Variants in DOCK9 observed in about 807,000 individuals in gnomAD.
DOCK9 encodes dedicator of cytokinesis 9.
A neutral mutation model predicts 263.3 loss-of-function variants in DOCK9; 89 were observed. The ratio of observed to expected loss-of-function variants is 0.34; its 90% CI spans 0.28 to 0.40. The LOEUF (loss-of-function observed/expected upper bound fraction) is 0.40, where lower values mean the gene tolerates loss of function less well. DOCK9 is among the 10% of genes least tolerant of loss of function. The probability of loss-of-function intolerance (pLI) is 1.00; values close to 1 mark genes in which losing one functional copy is unlikely to be tolerated. For missense variants in DOCK9, 2,140 were observed against 2,603.4 expected, an observed-to-expected ratio of 0.82 and a Z score of 3.87; for synonymous variants, 976 against 973.1, an observed-to-expected ratio of 1.00 and a Z score of -0.06.
intron 21 of DOCK9, 80 bp from the exon 22 acceptor site, chr13:98,883,979 T>C: frequency 1.0e-6 from 1 of 977,218 alleles, no homozygotes; most frequent in Middle Eastern, 2.3e-4. Context: ...AGGGTAATGA[T>C]GAGGGACTGA....
intron 38 of DOCK9, 22 bp downstream of exon 38, chr13:98,845,902 G>C (rs1402783625): frequency 6.2e-7 from 1 of 1,611,734 alleles, no homozygotes; most frequent in South Asian, 1.1e-5. Flanking sequence ...TGGCTGTTAC[G>C]ATGGCATGTC....
chr13:98,809,301 G>GTTTTT (rs113421628), intron 47 of DOCK9, 51 bp downstream of exon 47: 2 of 1,370,702 alleles, frequency 1.5e-6, no homozygotes, highest in African/African-American at 3.0e-5. Flanking sequence ...TTTTGTTTTT[G>GTTTTT]TTTTTTTTTA....
chr13:98,928,015 A>C lies in DOCK9; in HGVS notation c.334-2096T>G, dbSNP rs796075909. 4.2e-4 allele frequency among the ~76,000 whole-genome samples: 43 copies of C among 102,740 alleles called. 1 individual carries two copies. The South Asian group carries it at 0.012, about 28-fold the overall frequency. The allele number at this position is 102,740 out of a possible 152,430, so 67.4% of individuals were successfully genotyped here. A position where few individuals can be genotyped will look rare whatever the true frequency, so the allele number is the denominator to read the frequency against. On this transcript the variant is annotated intron_variant, in intron 3 of 52. Transcript: ENST00000682017. ...AGGAATCGCACATACAAAAAAAAAA[A>C]AAAACAAAAAAAAACTCCACAGTGA...
rs9513544 is a variant in DOCK9 at position 99,064,002 on chromosome 13, C to G, written c.129+22221G>C. Among the ~76,000 whole-genome samples, 644 of 152,160 alleles carry G rather than the reference C, an allele frequency of 4.2e-3. 3 individuals carry two copies. The highest frequency in any genetic ancestry group is 0.015 in the African/African-American group (603 of 41,534). ...CCTACTATGCTTCTCTATTCTGAAG[C>G]CTTCTACTAAGACCTGTAGATCTTC... On this transcript the variant is annotated intron_variant, in intron 1 of 32. Transcript: ENST00000427887.
intron 15 of DOCK9, among the ~76,000 whole-genome samples, chr13:98,896,903 G>T (rs2047524172): frequency 1.3e-5 from 2 of 152,196 alleles, no homozygotes; most frequent in South Asian, 4.1e-4. Flanking sequence ...AATCAGTTAA[G>T]ATGAGGTCAC....
chr13:98,876,154 G>A (rs751692801), intron 27 of DOCK9, among the ~76,000 whole-genome samples: 2 of 152,174 alleles, frequency 1.3e-5, no homozygotes, highest in Admixed American at 1.3e-4. Flanking sequence ...CAGGGCCCAG[G>A]TGCTCCTACA....
intron 27 of DOCK9, among the ~76,000 whole-genome samples, chr13:98,876,085 C>T (rs2043798316): frequency 6.6e-6 from 1 of 152,116 alleles, no homozygotes; most frequent in South Asian, 2.1e-4. Context: ...GCATGTGTAG[C>T]TATCCTTGAG....
rs375392160 is a variant in DOCK9 at position 98,800,457 on chromosome 13, A to G, written c.5747T>C (p.Val1916Ala). The G allele has an allele frequency of 1.2e-6, 2 of 1,613,876 alleles. No individual in the cohort carries two copies. The highest frequency in any genetic ancestry group is 1.7e-6 in the Non-Finnish European group (2 of 1,179,866). ...GTACATGACAGGGATGCGCTTCTTC[A>G]CATAAGGGAAGCAGTGTATGGCTGC... ...ILTAIHCFPY[V>A]KKRIPVMYQH... Residue 1916 changes from valine to alanine, a missense_variant, in exon 50 of 53, where the codon GTG becomes GCG. Val to Ala is a moderately conservative substitution (Grantham distance 64, BLOSUM62 0). This residue lies in a region of DOCK9 where 619 missense variants were observed against 861.8 expected (regional missense o/e 0.72). Coordinates refer to ENST00000682017, the MANE Select transcript of DOCK9 (RefSeq NM_001366683.2).
At chr13:98,942,530 G>A (rs763810225) in intron 2 of DOCK9, among the ~76,000 whole-genome samples, 6 of 152,116 alleles carry the variant, frequency 3.9e-5, no homozygotes, top group African/African-American at 7.2e-5. Flanking sequence ...GAGCCACCGC[G>A]CCCAGCTGGT....
intron 44 of DOCK9, among the ~76,000 whole-genome samples, chr13:98,826,375 CT>C (rs2092538531): frequency 6.6e-6 from 1 of 152,210 alleles, no homozygotes; most frequent in Non-Finnish European, 1.5e-5. Flanking sequence ...TCCTCGCCCC[CT>C]CTCCTTCCTC....
intron 1 of DOCK9, among the ~76,000 whole-genome samples, chr13:98,987,272 C>T (rs1242010645): frequency 6.6e-6 from 1 of 152,114 alleles, no homozygotes; most frequent in Non-Finnish European, 1.5e-5. Context: ...TAAATATATA[C>T]AATTATTTGT....
chr13:98,949,812 GCCA>G, intron 2 of DOCK9: 1 of 468,388 alleles, frequency 2.1e-6, no homozygotes, highest in Non-Finnish European at 4.2e-6. Flanking sequence ...AGCATGATGG[GCCA>G]CCGAGAGGTG....
At chr13:98,856,159 G>A in intron 33 of DOCK9, 128 bp from the exon 34 acceptor site, 1 of 915,952 alleles carries the variant, frequency 1.1e-6, no homozygotes. Flanking sequence ...CTCAAGAGTT[G>A]CATTCCATTA....
At chr13:98,849,891 AAT>A (rs1394410145) in intron 36 of DOCK9, among the ~76,000 whole-genome samples, 154 bp downstream of exon 36, 1 of 152,196 alleles carries the variant, frequency 6.6e-6, no homozygotes, top group African/African-American at 2.4e-5. Flanking sequence ...AAGCCCTGAA[AAT>A]ATGTTTTAGG....
At chr13:98,995,892 G>A (rs1880924303) in intron 1 of DOCK9, among the ~76,000 whole-genome samples, 2 of 152,142 alleles carry the variant, frequency 1.3e-5, no homozygotes, top group South Asian at 2.1e-4. Context: ...AGGCCCTGAA[G>A]CGCAGAATAG....
At chr13:98,880,707 G>C (rs900459841) in intron 25 of DOCK9, 35 bp from the exon 26 acceptor site, 3 of 1,605,772 alleles carry the variant, frequency 1.9e-6, no homozygotes, top group African/African-American at 2.7e-5. Flanking sequence ...TTAATGCACT[G>C]GCTCTCCAAT....
Position 99,054,602 on chromosome 13 carries a change from A to G in DOCK9, c.129+31621T>C, listed in dbSNP as rs551109773. On this transcript the variant is annotated intron_variant, in intron 1 of 32. Transcript: ENST00000427887. ...GAGGGCAAGCAAGAGGGAAGGCATA[A>G]GCCCAGAATCACATCTAAGTTCTTC... is the stretch of plus-strand genomic sequence containing the variant. Among the ~76,000 whole-genome samples the G allele has an allele frequency of 5.3e-5, 8 of 152,366 alleles. No homozygotes were observed. The South Asian group carries it at 1.7e-3, about 32-fold the overall frequency.
intron 1 of DOCK9, among the ~76,000 whole-genome samples, chr13:98,972,431 C>G (rs1459802760): frequency 1.3e-5 from 2 of 152,014 alleles, no homozygotes; most frequent in Non-Finnish European, 2.9e-5. Flanking sequence ...AGTTTCTATA[C>G]ACTGCTACCC....
At chr13:98,956,474 G>A (rs996639020) in intron 1 of DOCK9, among the ~76,000 whole-genome samples, 7 of 152,152 alleles carry the variant, frequency 4.6e-5, no homozygotes, top group Non-Finnish European at 7.3e-5. Context: ...CAGGGCAGGC[G>A]TGGTGGCTCA....
Sources: gnomAD v4.1 joint callset for allele counts (sites outside exome capture counted in the v4.1 genomes callset) on GRCh38, gnomAD v4.1.1 for gene constraint, gnomAD v4.1.1 regional missense constraint, MANE v1.5 for transcripts, NCBI Gene and HGNC (gene_info 2026-07-23, HGNC 2026-07-21) for gene names.